Variants in TBC1D32 observed in about 807,000 individuals in gnomAD.
TBC1D32 encodes the protein protein broad-minded.
Under a neutral mutation model 170.3 loss-of-function variants are expected in TBC1D32, and 151 were observed. The ratio of observed to expected loss-of-function variants is 0.89; its 90% CI spans 0.78 to 1.01. The LOEUF is 1.01. Among genes scored for constraint, TBC1D32 ranks in the 50% least tolerant of loss-of-function variants. The pLI, the probability that TBC1D32 is intolerant of heterozygous loss-of-function variation, is 0.00. For synonymous variants in TBC1D32, 498 were observed against 488.0 expected, an observed-to-expected ratio of 1.02 and a Z score of -0.27; for missense variants, 1,464 against 1,457.1, an observed-to-expected ratio of 1.00 and a Z score of -0.08.
At chr6:121,103,292 T>A (rs1053525591) in intron 30 of TBC1D32, among the ~76,000 whole-genome samples, 1 of 152,042 alleles carries the variant, frequency 6.6e-6, no homozygotes, top group African/African-American at 2.4e-5. Context: ...CACGTATGTT[T>A]ATAGCGACAC....
chr6:121,112,164 A>G (rs1229890813), intron 29 of TBC1D32, among the ~76,000 whole-genome samples: 2 of 152,098 alleles, frequency 1.3e-5, no homozygotes. Flanking sequence ...TCAGCCAGAG[A>G]TTCTTTTTAA....
chr6:121,292,298 A>G, intron 11 of TBC1D32, 105 bp from the exon 12 acceptor site: 1 of 1,212,196 alleles, frequency 8.2e-7, no homozygotes. Context: ...GCTAGAATGG[A>G]GACATTACTG....
At chr6:121,200,155 CA>C (rs1791351945) in intron 22 of TBC1D32, among the ~76,000 whole-genome samples, 1 of 150,918 alleles carries the variant, frequency 6.6e-6, no homozygotes, top group Non-Finnish European at 1.5e-5. Context: ...TTCAAATGAG[CA>C]AAGAAGAAAT....
chr6:121,182,136 A>G (rs890674721), intron 22 of TBC1D32, among the ~76,000 whole-genome samples: 1 of 152,104 alleles, frequency 6.6e-6, no homozygotes, highest in Admixed American at 6.6e-5. Flanking sequence ...TAAACATCAT[A>G]AAAGTCAAAA....
Position 121,278,623 on chromosome 6 carries a change from T to C in TBC1D32, c.1733+498A>G, listed in dbSNP as rs189850399. On this transcript the variant is annotated intron_variant, in intron 15 of 31. Coordinates refer to ENST00000398212, the MANE Select transcript of TBC1D32 (RefSeq NM_152730.6). ...GCAGACATTAAAAATCATGTTTCAT[T>C]CTGTATTCACCTAAGAAAATTCCCA... 6.6e-4 allele frequency among the ~76,000 whole-genome samples: 100 copies of C among 152,236 alleles called. 1 individual carries two copies. Among genetic ancestry groups the C allele is most frequent in the African/African-American group, 2.4e-3 (98 of 41,562 alleles).
chr6:121,245,787 C>A (rs978807847), intron 17 of TBC1D32, among the ~76,000 whole-genome samples: 10 of 151,992 alleles, frequency 6.6e-5, no homozygotes, highest in Non-Finnish European at 1.0e-4. Flanking sequence ...ACTATTACTC[C>A]CTACTTGAAA....
chr6:121,188,931 T>C (rs1026222614), intron 22 of TBC1D32, among the ~76,000 whole-genome samples: 1 of 152,096 alleles, frequency 6.6e-6, no homozygotes, highest in Non-Finnish European at 1.5e-5. Flanking sequence ...TGGCCTTTGC[T>C]CCAATAGATA....
intron 19 of TBC1D32, among the ~76,000 whole-genome samples, chr6:121,240,755 G>C (rs148633490): frequency 6.6e-6 from 1 of 151,638 alleles, no homozygotes; most frequent in Non-Finnish European, 1.5e-5. Context: ...AGGCGTGGTG[G>C]TGGCCTCCTG....
rs1785549031 is a variant in TBC1D32, at chr6:121,160,956, G to A, written c.2671C>T (p.Leu891Phe). The A allele has an allele frequency of 1.2e-6, 2 of 1,613,520 alleles. No homozygotes were observed. Among genetic ancestry groups the A allele is most frequent in the African/African-American group, 2.7e-5 (2 of 74,902 alleles). ...PLERILPPRL[L>F]EKSDNPYPWP... is the part of the protein sequence containing the mutation. ...CTTTGCCCCACACTCACCTTTTCGAGTAACCTCGGAGGCAAAATCCGTTCC... is the reference window on the plus strand; with the variant it reads ...CTTTGCCCCACACTCACCTTTTCGAATAACCTCGGAGGCAAAATCCGTTCC... Residue 891 changes from leucine (L) to phenylalanine (F), a missense_variant, in exon 23 of 32, where the codon CTC becomes TTC. Leu to Phe is a conservative substitution (Grantham distance 22, BLOSUM62 0). Coordinates refer to ENST00000398212, the MANE Select transcript of TBC1D32 (RefSeq NM_152730.6).
At chr6:121,145,635 A>T (rs1783330842) in intron 24 of TBC1D32, among the ~76,000 whole-genome samples, 1 of 152,238 alleles carries the variant, frequency 6.6e-6, no homozygotes, top group African/African-American at 2.4e-5. Context: ...TAAGCATGTG[A>T]GATTATGCAT....
chr6:121,240,357 A>ATTTTTTTTTTTTT (rs35946120), intron 19 of TBC1D32, among the ~76,000 whole-genome samples: 6 of 75,298 alleles, frequency 8.0e-5, no homozygotes, highest in East Asian at 3.4e-4. Context: ...GTTTAGGACA[A>ATTTTTTTTTTTTT]TTTTTTTTTT....
intron 31 of TBC1D32, among the ~76,000 whole-genome samples, chr6:121,085,581 T>G (rs1232030024): frequency 6.6e-6 from 1 of 151,838 alleles, no homozygotes; most frequent in East Asian, 1.9e-4. Flanking sequence ...GTTTTATGTA[T>G]TTTAAAGGTT....
intron 16 of TBC1D32, 115 bp from the exon 17 acceptor site, chr6:121,255,525 A>AATTATATTTATAAATATAT (rs1563099804): frequency 3.9e-6 from 1 of 253,648 alleles, no homozygotes; most frequent in African/African-American, 2.4e-5. Context: ...TATATTTTAT[A>AATTATATTTATAAATATAT]TTTCTTACTG....
chr6:121,189,069 G>A (rs557591620), intron 22 of TBC1D32, among the ~76,000 whole-genome samples: 6 of 152,108 alleles, frequency 3.9e-5, no homozygotes, highest in African/African-American at 1.4e-4. Flanking sequence ...TTGTCATAAA[G>A]AAAAATATTT....
intron 21 of TBC1D32, among the ~76,000 whole-genome samples, chr6:121,217,491 A>G (rs1171993099): frequency 6.6e-6 from 1 of 152,240 alleles, no homozygotes; most frequent in East Asian, 1.9e-4. Flanking sequence ...GAAGAACAAG[A>G]TCATGTCTTT....
At chr6:121,262,168 A>C (rs182228487) in intron 15 of TBC1D32, among the ~76,000 whole-genome samples, 3 of 152,320 alleles carry the variant, frequency 2.0e-5, no homozygotes, top group Non-Finnish European at 2.9e-5. Context: ...TACCTAAAAG[A>C]AACGGGAAGA....
At chr6:121,223,096 T>A (rs1240350725) in intron 21 of TBC1D32, 140 bp downstream of exon 21, 1 of 563,926 alleles carries the variant, frequency 1.8e-6, no homozygotes, top group African/African-American at 2.0e-5. Context: ...TTGATATAAT[T>A]CATGCATGAT....
At chr6:121,126,927 A>T (rs868644056) in intron 25 of TBC1D32, among the ~76,000 whole-genome samples, 1 of 152,156 alleles carries the variant, frequency 6.6e-6, no homozygotes, top group Non-Finnish European at 1.5e-5. Context: ...GGCAACCAAT[A>T]TCAAAAGAAG....
Position 121,080,472 on chromosome 6 carries a change from C to A in TBC1D32, c.*299G>T. On this transcript the variant is annotated 3_prime_UTR_variant, in exon 32 of 32. Coordinates refer to ENST00000398212, the MANE Select transcript of TBC1D32 (RefSeq NM_152730.6). Reference sequence around the variant, plus strand: ...CTCGTGATCCGCCCACCTCAGACTCCCAAAGTGCTGGGATTACAGGCATGA... The same window carrying A: ...CTCGTGATCCGCCCACCTCAGACTCACAAAGTGCTGGGATTACAGGCATGA... The A allele has an allele frequency of 4.0e-6, 1 of 247,968 alleles. No individual in the cohort carries two copies. The highest frequency in any genetic ancestry group is 8.1e-6 in the Non-Finnish European group (1 of 124,162). The allele number at this position is 247,968 out of a possible 1,614,324, so 15.4% of individuals were successfully genotyped here.
Sources: allele counts gnomAD v4.1 joint callset (sites outside exome capture counted in the v4.1 genomes callset), GRCh38; gene constraint gnomAD v4.1.1; transcripts MANE v1.5; gene names NCBI Gene and HGNC (gene_info 2026-07-23, HGNC 2026-07-21).